DACH1: variants seen among roughly 807,000 people sequenced by gnomAD.
DACH1 encodes the protein dachshund homolog 1.
A neutral mutation model predicts 54.2 loss-of-function variants in DACH1; 12 were observed. The ratio of observed to expected loss-of-function variants is 0.22; its 90% CI spans 0.14 to 0.36. DACH1 has a LOEUF of 0.36. DACH1 is among the 10% of genes least tolerant of loss of function. The probability of loss-of-function intolerance (pLI) is 1.00; values close to 1 mark genes in which losing one functional copy is unlikely to be tolerated. For missense variants in DACH1, 805 were observed against 929.8 expected, an observed-to-expected ratio of 0.87 and a Z score of 1.75; for synonymous variants, 386 against 366.2, an observed-to-expected ratio of 1.05 and a Z score of -0.62.
intron 3 of DACH1, among the ~76,000 whole-genome samples, chr13:71,610,254 C>T (rs1276651021): frequency 6.6e-6 from 1 of 152,116 alleles, no homozygotes; most frequent in Admixed American, 6.5e-5. Context: ...GAACTGGACA[C>T]TAAAACAGGG....
At chr13:71,835,790 T>C (rs1888760049) in intron 1 of DACH1, among the ~76,000 whole-genome samples, 1 of 133,988 alleles carries the variant, frequency 7.5e-6, no homozygotes, top group Admixed American at 7.6e-5. Flanking sequence ...GTCAATCTTC[T>C]AGCAAACAAC....
intron 1 of DACH1, among the ~76,000 whole-genome samples, chr13:71,839,009 T>C (rs1033698408): frequency 2.6e-5 from 4 of 152,194 alleles, no homozygotes; most frequent in Non-Finnish European, 5.9e-5. Context: ...AAGCTCAGAA[T>C]CAAACACAAT....
chr13:71,513,526 G>C (rs1880938402), intron 6 of DACH1, among the ~76,000 whole-genome samples: 1 of 152,004 alleles, frequency 6.6e-6, no homozygotes, highest in African/African-American at 2.4e-5. Context: ...TAGATTCAGT[G>C]TGTAATATGA....
At chr13:71,515,368 T>G (rs534389554) in intron 6 of DACH1, among the ~76,000 whole-genome samples, 7 of 152,048 alleles carry the variant, frequency 4.6e-5, no homozygotes, top group Admixed American at 4.6e-4. Context: ...AAGTTTAATT[T>G]TATGCACTGA....
rs1884793191 is a variant in DACH1 at position 71,748,950 on chromosome 13, TTCTCTCTTTCTTTCTC to T, written c.849-67056_849-67041del. Among the ~76,000 whole-genome samples, 4 of 85,298 alleles carry T rather than the reference TTCTCTCTTTCTTTCTC, an allele frequency of 4.7e-5. 1 individual carries two copies. The highest frequency in any genetic ancestry group is 1.0e-4 in the Non-Finnish European group (4 of 38,950). 56.0% of individuals were successfully genotyped at this position (85,298 alleles called of 152,430 possible). A position where few individuals can be genotyped will look rare whatever the true frequency, so the allele number is the denominator to read the frequency against. ...TTTCTTTCTTTCTTTCTTTCTTTCT[TTCTCTCTTTCTTTCTC>T]TCTCTCTCTTTCTTCTTTCCTTTTA... On this transcript the variant is annotated intron_variant, in intron 1 of 10. Transcript: ENST00000613252.
At chr13:71,447,072 T>C (rs1874534953) in intron 10 of DACH1, among the ~76,000 whole-genome samples, 1 of 152,202 alleles carries the variant, frequency 6.6e-6, no homozygotes, top group African/African-American at 2.4e-5. Flanking sequence ...TAATTTGGTG[T>C]ATAAGAAAGT....
At chr13:71,742,930 T>G (rs2137952540) in intron 1 of DACH1, among the ~76,000 whole-genome samples, 1 of 152,282 alleles carries the variant, frequency 6.6e-6, no homozygotes, top group African/African-American at 2.4e-5. Flanking sequence ...AATTTATGAA[T>G]CTTGTGGTAA....
Position 71,751,583 on chromosome 13 carries a change from C to A in DACH1, c.849-69673G>T, listed in dbSNP as rs138974502. Among the ~76,000 whole-genome samples the A allele has an allele frequency of 1.1e-4, 17 of 152,192 alleles. No individual in the cohort carries two copies. In the East Asian group the frequency reaches 3.3e-3, roughly 29 times the overall value. ...TGATTCACCAGAAATAAACCCTCAC[C>A]TCTAGCATGTCCTGATGTAAGATGT... is the stretch of plus-strand genomic sequence containing the variant. On this transcript the variant is annotated intron_variant, in intron 1 of 10. Coordinates refer to ENST00000613252, the MANE Select transcript of DACH1 (RefSeq NM_080759.6).
rs762227668 is a variant in DACH1, at chr13:71,569,174, A to AT, written c.1299+3665dup. ...CAACCCTAAATTCTCAATTATTTTA[A>AT]TTTTTTTTTCTACTTGGTTCTATTG... On this transcript the variant is annotated intron_variant, in intron 4 of 10. Coordinates refer to ENST00000613252, the MANE Select transcript of DACH1 (RefSeq NM_080759.6). Among the ~76,000 whole-genome samples, 935 of 151,300 alleles carry AT rather than the reference A, an allele frequency of 6.2e-3. 6 individuals are homozygous for AT. Among genetic ancestry groups the AT allele is most frequent in the Non-Finnish European group, 9.7e-3 (659 of 67,754 alleles).
At chr13:71,662,274 T>G (rs1472195014) in intron 2 of DACH1, among the ~76,000 whole-genome samples, 1 of 152,060 alleles carries the variant, frequency 6.6e-6, no homozygotes, top group African/African-American at 2.4e-5. Flanking sequence ...CAAATACTAT[T>G]GTTAAAAGGG....
intron 1 of DACH1, among the ~76,000 whole-genome samples, chr13:71,797,112 G>T (rs911527381): frequency 2.6e-5 from 4 of 151,882 alleles, no homozygotes; most frequent in South Asian, 2.1e-4. Context: ...ACTCAGGTAT[G>T]ATCATTTTAC....
intron 1 of DACH1, among the ~76,000 whole-genome samples, chr13:71,779,188 CGTATAT>C (rs1276987108): frequency 0.014 from 1,707 of 123,850 alleles, 43 homozygotes; most frequent in African/African-American, 0.044. Context: ...CACATATATA[CGTATAT>C]ACGTATATAT....
At chr13:71,839,062 A>G in intron 1 of DACH1, among the ~76,000 whole-genome samples, 1 of 152,200 alleles carries the variant, frequency 6.6e-6, no homozygotes, top group Non-Finnish European at 1.5e-5. Context: ...AGCAGCACAG[A>G]AAGACTTGCT....
chr13:71,815,121 T>G (rs2138161679), intron 1 of DACH1, among the ~76,000 whole-genome samples: 1 of 152,338 alleles, frequency 6.6e-6, no homozygotes, highest in Non-Finnish European at 1.5e-5. Context: ...GTATACCAGA[T>G]GCTTGACACT....
chr13:71,846,849 T>G (rs1873312813), intron 1 of DACH1, among the ~76,000 whole-genome samples: 1 of 152,192 alleles, frequency 6.6e-6, no homozygotes, highest in Non-Finnish European at 1.5e-5. Flanking sequence ...TAGCTGTTAC[T>G]GGGAGTGAAG....
intron 10 of DACH1, among the ~76,000 whole-genome samples, chr13:71,467,768 C>T (rs1876722709): frequency 6.6e-6 from 1 of 152,036 alleles, no homozygotes; most frequent in Non-Finnish European, 1.5e-5. Flanking sequence ...TATAGAAATG[C>T]TGCCAAACAC....
intron 10 of DACH1, chr13:71,464,569 C>T (rs916913135): frequency 4.6e-6 from 2 of 430,648 alleles, no homozygotes; most frequent in Non-Finnish European, 9.2e-6. Context: ...GCACAAAATT[C>T]CTTTGAAAGA....
At chr13:71,724,710 A>G (rs1594139450) in intron 1 of DACH1, among the ~76,000 whole-genome samples, 1 of 152,192 alleles carries the variant, frequency 6.6e-6, no homozygotes, top group East Asian at 1.9e-4. Context: ...AAACTATGTT[A>G]TGCCTAGAGT....
intron 1 of DACH1, among the ~76,000 whole-genome samples, chr13:71,855,768 T>C (rs1873961281): frequency 6.6e-6 from 1 of 152,020 alleles, no homozygotes; most frequent in Non-Finnish European, 1.5e-5. Flanking sequence ...ATTTAAAGTG[T>C]GACTCTAAGA....
Sources: gnomAD v4.1 joint callset for allele counts (sites outside exome capture counted in the v4.1 genomes callset) on GRCh38, gnomAD v4.1.1 for gene constraint, MANE v1.5 for transcripts, NCBI Gene and HGNC (gene_info 2026-07-23, HGNC 2026-07-21) for gene names.